Variants in LARS2 observed in about 807,000 individuals in gnomAD.
LARS2 encodes the protein leucine--tRNA ligase, mitochondrial.
LARS2 carries 81 observed loss-of-function variants against 116.6 expected under a neutral mutation model. The ratio of observed to expected loss-of-function variants is 0.69; its 90% CI spans 0.58 to 0.84. LARS2 has a LOEUF of 0.84. Ranked by LOEUF, LARS2 falls within the 40% of genes least tolerant of loss-of-function variation. The probability of loss-of-function intolerance (pLI) is 0.00; values close to 1 mark genes in which losing one functional copy is unlikely to be tolerated. For synonymous variants in LARS2, 396 were observed against 407.2 expected (o/e 0.97, Z 0.33); for missense variants, 968 against 1,114.5 (o/e 0.87, Z 1.87).
chr3:45,416,796 C>T (rs1037933567), intron 4 of LARS2, among the ~76,000 whole-genome samples: 14 of 152,028 alleles, frequency 9.2e-5, no homozygotes, highest in African/African-American at 2.4e-4. Flanking sequence ...AAATACTGGC[C>T]GGGCACAGTG....
intron 9 of LARS2, 48 bp downstream of exon 9, chr3:45,474,398 C>A: frequency 1.6e-6 from 2 of 1,275,162 alleles, no homozygotes; most frequent in South Asian, 1.3e-5. Context: ...CAAATCTCCT[C>A]TACATTTGGG....
At chr3:45,407,915 G>A (rs539235281) in intron 4 of LARS2, among the ~76,000 whole-genome samples, 1 of 152,248 alleles carries the variant, frequency 6.6e-6, no homozygotes, top group East Asian at 1.9e-4. Context: ...TCTTGTGTCG[G>A]ATGAACAACT....
Position 45,444,966 on chromosome 3 carries a change from T to G in LARS2, c.517-1925T>G, listed in dbSNP as rs376435419. Among the ~76,000 whole-genome samples, 32 of 152,234 alleles carry G rather than the reference T, an allele frequency of 2.1e-4. 2 individuals carry two copies. The highest frequency in any genetic ancestry group is 7.5e-4 in the African/African-American group (31 of 41,550). On this transcript the variant is annotated intron_variant, in intron 6 of 21. Transcript: ENST00000645846. ...ATTTTCTCAAAATTATTTCACACAC[T>G]TTTCTAAACCTCTAGTGGGTAAAGA...
At chr3:45,428,245 T>TG (rs1264553620) in intron 6 of LARS2, among the ~76,000 whole-genome samples, 3 of 138,574 alleles carry the variant, frequency 2.2e-5, no homozygotes, top group East Asian at 2.1e-4. Context: ...ACCTGTTTTT[T>TG]TTTTTTTTTT....
chr3:45,452,007 G>C (rs1184237052), intron 7 of LARS2, among the ~76,000 whole-genome samples: 1 of 152,050 alleles, frequency 6.6e-6, no homozygotes, highest in East Asian at 1.9e-4. Flanking sequence ...TTAACATATA[G>C]AAATGCTGCT....
intron 6 of LARS2, 100 bp from the exon 7 acceptor site, chr3:45,446,791 T>C: frequency 1.6e-6 from 1 of 637,806 alleles, no homozygotes; most frequent in South Asian, 2.3e-5. Context: ...AATATTTTTG[T>C]GATTTCATTA....
chr3:45,492,263 T>C (rs554635933), intron 13 of LARS2, among the ~76,000 whole-genome samples: 1 of 152,360 alleles, frequency 6.6e-6, no homozygotes, highest in Admixed American at 6.5e-5. Context: ...GCAAGTGTGC[T>C]CAGGGCTGCA....
At chr3:45,458,697 A>AGAGTACTCACC in intron 7 of LARS2, 46 bp from the exon 8 acceptor site, 2 of 1,605,852 alleles carry the variant, frequency 1.2e-6, no homozygotes, top group South Asian at 1.1e-5. Flanking sequence ...AAAAAAAAAA[A>AGAGTACTCACC]AGAGTACTCA....
intron 20 of LARS2, among the ~76,000 whole-genome samples, chr3:45,526,998 A>G (rs1700539767): frequency 6.6e-6 from 1 of 152,196 alleles, no homozygotes; most frequent in Non-Finnish European, 1.5e-5. Flanking sequence ...CACCTCATCC[A>G]GGTAGAGACA....
At chr3:45,497,508 T>A (rs1700035033) in intron 14 of LARS2, among the ~76,000 whole-genome samples, 1 of 152,166 alleles carries the variant, frequency 6.6e-6, no homozygotes, top group African/African-American at 2.4e-5. Context: ...TTCTTCGTGG[T>A]TCTAAAATAA....
intron 14 of LARS2, among the ~76,000 whole-genome samples, chr3:45,498,735 G>A (rs1357618372): frequency 6.6e-6 from 1 of 152,204 alleles, no homozygotes; most frequent in East Asian, 1.9e-4. Flanking sequence ...CAACACAGAG[G>A]TCTGTCGCCA....
intron 8 of LARS2, among the ~76,000 whole-genome samples, chr3:45,462,716 G>A (rs1435535765): frequency 2.6e-5 from 4 of 152,160 alleles, no homozygotes; most frequent in Non-Finnish European, 4.4e-5. Context: ...TTTGCATCTC[G>A]TTTTGCAGCT....
At chr3:45,522,759 G>A (rs1395259945) in intron 19 of LARS2, among the ~76,000 whole-genome samples, 1 of 151,920 alleles carries the variant, frequency 6.6e-6, no homozygotes, top group Non-Finnish European at 1.5e-5. Context: ...AGATACAAAA[G>A]TGTTCATATG....
At chr3:45,416,275 G>A (rs1392992273) in intron 4 of LARS2, among the ~76,000 whole-genome samples, 1 of 151,836 alleles carries the variant, frequency 6.6e-6, no homozygotes, top group Non-Finnish European at 1.5e-5. Flanking sequence ...AAAAAGAAAG[G>A]GATGAACTTC....
intron 12 of LARS2, among the ~76,000 whole-genome samples, chr3:45,490,270 C>T (rs941885506): frequency 2.0e-5 from 3 of 152,280 alleles, no homozygotes; most frequent in Admixed American, 6.5e-5. Flanking sequence ...AAAGGGGACA[C>T]TTGTGGCCAA....
At chr3:45,399,721 T>C (rs1236732076) in intron 3 of LARS2, among the ~76,000 whole-genome samples, 2 of 152,022 alleles carry the variant, frequency 1.3e-5, no homozygotes, top group Non-Finnish European at 2.9e-5. Flanking sequence ...ATTTGTGAGA[T>C]TTTGGTGCAC....
At chr3:45,418,467 A>G (rs2125687227) in intron 5 of LARS2, among the ~76,000 whole-genome samples, 1 of 152,328 alleles carries the variant, frequency 6.6e-6, no homozygotes, top group Non-Finnish European at 1.5e-5. Context: ...CTAGTGATAA[A>G]AAGAGGAGGA....
chr3:45,472,137 T>A (rs1405578763), intron 8 of LARS2, among the ~76,000 whole-genome samples: 2 of 152,186 alleles, frequency 1.3e-5, no homozygotes, highest in Non-Finnish European at 2.9e-5. Context: ...AGGCAGAAAT[T>A]AGGGGAGAAC....
chr3:45,396,774 GA>G (rs1164239737), intron 3 of LARS2, among the ~76,000 whole-genome samples: 1 of 152,198 alleles, frequency 6.6e-6, no homozygotes. Flanking sequence ...CTGAGGCTCA[GA>G]AAAAGGTTTA....
Sources: allele counts gnomAD v4.1 joint callset (sites outside exome capture counted in the v4.1 genomes callset), GRCh38; gene constraint gnomAD v4.1.1; transcripts MANE v1.5; gene names NCBI Gene and HGNC (gene_info 2026-07-23, HGNC 2026-07-21).